Variants in PTPRD observed in about 807,000 individuals in gnomAD.
PTPRD encodes the protein receptor-type tyrosine-protein phosphatase delta.
In PTPRD, 34 loss-of-function variants were observed where a neutral mutation model predicts 214.5. The ratio of observed to expected loss-of-function variants is 0.16; its 90% CI spans 0.12 to 0.21. PTPRD has a LOEUF of 0.21. Ranked by LOEUF, PTPRD falls within the 10% of genes least tolerant of loss-of-function variation. PTPRD has a pLI of 1.00. For missense variants in PTPRD, 2,545 were observed against 2,398.7 expected, an observed-to-expected ratio of 1.06 and a Z score of -1.27; for synonymous variants, 1,128 against 845.7, an observed-to-expected ratio of 1.33 and a Z score of -5.79.
intron 9 of PTPRD, among the ~76,000 whole-genome samples, chr9:9,225,225 A>T (rs2099958657): frequency 6.6e-6 from 1 of 152,062 alleles, no homozygotes; most frequent in African/African-American, 2.4e-5. Flanking sequence ...TCTAGAGAAA[A>T]AAATTTTTTT....
intron 3 of PTPRD, among the ~76,000 whole-genome samples, chr9:10,151,256 C>CTTT (rs71321228): frequency 0.059 from 734 of 12,372 alleles, 159 homozygotes; most frequent in Middle Eastern, 0.091. Context: ...TTTTTGTTAA[C>CTTT]TTTTTTTTTT....
chr9:9,389,804 G>T (rs2065162601), intron 9 of PTPRD, among the ~76,000 whole-genome samples: 1 of 152,116 alleles, frequency 6.6e-6, no homozygotes, highest in Non-Finnish European at 1.5e-5. Flanking sequence ...AATAGTTATT[G>T]AACATTCACT....
chr9:10,438,934 G>A (rs1461355357), intron 2 of PTPRD, among the ~76,000 whole-genome samples: 1 of 151,584 alleles, frequency 6.6e-6, no homozygotes, highest in African/African-American at 2.4e-5. Flanking sequence ...TGAGACCAAG[G>A]GTCCCAGTGA....
chr9:10,611,423 A>G (rs572775211), intron 2 of PTPRD, among the ~76,000 whole-genome samples: 7 of 152,182 alleles, frequency 4.6e-5, no homozygotes, highest in Non-Finnish European at 8.8e-5. Flanking sequence ...AGTCAACTAT[A>G]TTTTTCCTGA....
At position 8,315,736 on chromosome 9, in the gene PTPRD, G is replaced by C. The variant is rs1287837870; in HGVS notation, c.*2138C>G. ...CTTGGATTTCACTCTGCTAGCAATG[G>C]GAAAATGTGGAAAACAAAAATCCTT... On this transcript the variant is annotated 3_prime_UTR_variant, in exon 46 of 46. Coordinates refer to ENST00000381196, the MANE Select transcript of PTPRD (RefSeq NM_002839.4). The C allele has an allele frequency of 8.7e-6, 2 of 228,654 alleles. No homozygotes were observed. Among genetic ancestry groups the C allele is most frequent in the Non-Finnish European group, 8.7e-6 (1 of 115,252 alleles). The allele number at this position is 228,654 out of a possible 1,614,324, so 14.2% of individuals were successfully genotyped here. A position where few individuals can be genotyped will look rare whatever the true frequency, so the allele number is the denominator to read the frequency against.
intron 2 of PTPRD, among the ~76,000 whole-genome samples, chr9:10,442,356 T>A (rs73408121): frequency 0.09 from 13,698 of 151,712 alleles, 1,043 homozygotes; most frequent in African/African-American, 0.2. Flanking sequence ...CTTGCTAATT[T>A]ACTTGATTAG....
intron 11 of PTPRD, among the ~76,000 whole-genome samples, chr9:8,765,207 C>T (rs1310718804): frequency 1.3e-5 from 2 of 152,170 alleles, no homozygotes; most frequent in Non-Finnish European, 2.9e-5. Context: ...TACTCTTCCC[C>T]TCAAAAGATG....
At chr9:9,129,007 C>G (rs2099838424) in intron 10 of PTPRD, among the ~76,000 whole-genome samples, 1 of 152,154 alleles carries the variant, frequency 6.6e-6, no homozygotes, top group African/African-American at 2.4e-5. Context: ...AAATATAAAG[C>G]TGTATTTCAT....
At chr9:10,500,607 T>C (rs904373356) in intron 2 of PTPRD, among the ~76,000 whole-genome samples, 9 of 151,904 alleles carry the variant, frequency 5.9e-5, no homozygotes, top group Non-Finnish European at 8.8e-5. Flanking sequence ...TTATTTACTA[T>C]AGTCACTCTG....
intron 3 of PTPRD, among the ~76,000 whole-genome samples, chr9:10,100,717 T>C (rs1261875444): frequency 6.6e-6 from 1 of 151,650 alleles, no homozygotes; most frequent in African/African-American, 2.4e-5. Context: ...AATGAATATA[T>C]ATTGAGCACC....
chr9:9,439,283 C>A (rs990888216), intron 8 of PTPRD, among the ~76,000 whole-genome samples: 4 of 151,964 alleles, frequency 2.6e-5, no homozygotes, highest in Non-Finnish European at 4.4e-5. Context: ...GGGTACAGCA[C>A]CCCACTTATT....
intron 14 of PTPRD, among the ~76,000 whole-genome samples, chr9:8,597,538 C>T (rs1479274010): frequency 6.6e-6 from 1 of 151,808 alleles, no homozygotes; most frequent in Non-Finnish European, 1.5e-5. Context: ...AATATTTTTA[C>T]AACAGTGAAA....
At chr9:8,558,565 G>A (rs7027214) in intron 14 of PTPRD, among the ~76,000 whole-genome samples, 15,098 of 152,188 alleles carry the variant, frequency 0.099, 2,363 homozygotes, top group African/African-American at 0.34. Context: ...TTTCACATGT[G>A]TCAGATTTTC....
At chr9:9,602,224 A>G (rs771700560) in intron 7 of PTPRD, among the ~76,000 whole-genome samples, 8 of 152,190 alleles carry the variant, frequency 5.3e-5, no homozygotes, top group Non-Finnish European at 1.0e-4. Context: ...ACATGTTAAT[A>G]TTTACTTTCA....
intron 10 of PTPRD, among the ~76,000 whole-genome samples, chr9:9,081,880 T>G (rs2154422333): frequency 6.6e-6 from 1 of 151,924 alleles, no homozygotes; most frequent in East Asian, 1.9e-4. Flanking sequence ...GCCTTTATTT[T>G]GAGCGTATGT....
intron 44 of PTPRD, among the ~76,000 whole-genome samples, chr9:8,330,539 T>A (rs570266426): frequency 6.8e-6 from 1 of 146,690 alleles, no homozygotes; most frequent in East Asian, 2.0e-4. Flanking sequence ...TTTGGTTGGT[T>A]TGCAAAGGAT....
chr9:9,956,748 G>A (rs558960793), intron 4 of PTPRD, among the ~76,000 whole-genome samples: 5 of 152,216 alleles, frequency 3.3e-5, no homozygotes, highest in African/African-American at 9.6e-5. Flanking sequence ...ACAGATCAAT[G>A]TATTAGCATT....
intron 11 of PTPRD, among the ~76,000 whole-genome samples, chr9:8,999,821 T>C (rs565041959): frequency 2.0e-5 from 3 of 152,134 alleles, no homozygotes; most frequent in South Asian, 4.1e-4. Flanking sequence ...AGATTTCTAT[T>C]TTGATGACCG....
At chr9:9,815,390 T>C (rs149204278) in intron 5 of PTPRD, among the ~76,000 whole-genome samples, 2 of 152,224 alleles carry the variant, frequency 1.3e-5, no homozygotes, top group Admixed American at 1.3e-4. Context: ...AATACTTAAA[T>C]ATGAGAACTA....
Sources: allele counts gnomAD v4.1 joint callset (sites outside exome capture counted in the v4.1 genomes callset), GRCh38; gene constraint gnomAD v4.1.1; transcripts MANE v1.5; gene names NCBI Gene and HGNC (gene_info 2026-07-23, HGNC 2026-07-21).